The following GLUL variants were observed in gnomAD, a reference collection of about 807,000 sequenced individuals.
GLUL encodes the protein glutamate-ammonia ligase, also known as glutamine synthetase.
In GLUL, 8 loss-of-function variants were observed where a neutral mutation model predicts 36.9. The ratio of observed to expected loss-of-function variants is 0.22; its 90% CI spans 0.13 to 0.39. The LOEUF is 0.39. Ranked by LOEUF, GLUL falls within the 10% of genes least tolerant of loss-of-function variation. GLUL has a pLI of 1.00. For missense variants in GLUL, 315 were observed against 501.8 expected (o/e 0.63, Z 3.56); for synonymous variants, 182 against 172.8 (o/e 1.05, Z -0.42).
At chr1:182,391,483 G>A (rs971512440) in intron 1 of GLUL, 196 bp downstream of exon 1, 4 of 367,100 alleles carry the variant, frequency 1.1e-5, no homozygotes, top group African/African-American at 4.2e-5. Flanking sequence ...CAGCCCCGAC[G>A]GGTCCAAGCC....
rs1278804061 is a variant in GLUL, at chr1:182,380,005, C to T, written c.*4400G>A. Among the ~76,000 whole-genome samples, 2 of 151,898 alleles carry T rather than the reference C, an allele frequency of 1.3e-5. No homozygotes were observed. The highest frequency in any genetic ancestry group is 4.8e-5 in the African/African-American group (2 of 41,312). ...GATTACAGGCATGTGCCACCACGCCCGGCTAATTTTTTGTATTTAGTAGAG... is the reference window on the plus strand; with the variant it reads ...GATTACAGGCATGTGCCACCACGCCTGGCTAATTTTTTGTATTTAGTAGAG... On this transcript the variant is annotated 3_prime_UTR_variant, in exon 7 of 7. Transcript: ENST00000331872.
chr1:182,390,371 G>C (rs1195359509), intron 1 of GLUL: 1 of 397,948 alleles, frequency 2.5e-6, no homozygotes, highest in African/African-American at 2.1e-5. Context: ...CAGCAGCCTA[G>C]TGCCACTCTA....
chr1:182,386,892 G>A (rs991491425), intron 3 of GLUL: 13 of 572,786 alleles, frequency 2.3e-5, no homozygotes, highest in African/African-American at 3.7e-5. Flanking sequence ...CTCCAAGACC[G>A]GCAAACAGAT....
chr1:182,381,314 A>T lies in GLUL; in HGVS notation c.*3091T>A, dbSNP rs1353215677. On this transcript the variant is annotated 3_prime_UTR_variant, in exon 7 of 7. Coordinates refer to ENST00000331872, the MANE Select transcript of GLUL (RefSeq NM_001033044.4). ...CAACACCCATCCATGGAATTCTTTC[A>T]AATTCCCTATAGCTTGTGCTATCAG... Among the ~76,000 whole-genome samples, 1 of 152,194 alleles carries T rather than the reference A, an allele frequency of 6.6e-6. No individual in the cohort carries two copies. The highest frequency in any genetic ancestry group is 2.4e-5 in the African/African-American group (1 of 41,448).
At chr1:182,386,821 T>C (rs1174649962) in intron 3 of GLUL, 7 of 482,954 alleles carry the variant, frequency 1.4e-5, no homozygotes, top group African/African-American at 2.0e-5. Flanking sequence ...TGAGAAACAT[T>C]TGTCCATTGG....
intron 6 of GLUL, chr1:182,385,102 T>C (rs529999588): frequency 9.5e-6 from 3 of 316,104 alleles, no homozygotes; most frequent in Non-Finnish European, 1.8e-5. Context: ...ATATATATTA[T>C]ATAAATTATA....
intron 1 of GLUL, chr1:182,389,095 G>A (rs540721077): frequency 5.7e-6 from 2 of 350,214 alleles, no homozygotes; most frequent in East Asian, 7.3e-5. Flanking sequence ...CAGAACCCAG[G>A]CTTCCAAGCT....
Position 182,388,663 on chromosome 1 carries a change from T to C in GLUL, c.75A>G (p.Lys25=). Residue 25 remains lysine, a synonymous_variant, in exon 2 of 7, where the codon AAA becomes AAG. Transcript: ENST00000331872. ...CGATCCAGATATACATGGCCTGGAC[T>C]TTCTCACCCTGAGGCAGGGACATGT... ...QVYMSLPQGE[K]VQAMYIWIDG... is the part of the protein sequence containing the mutation. The C allele has an allele frequency of 1.9e-6, 3 of 1,613,806 alleles. No homozygotes were observed. The highest frequency in any genetic ancestry group is 2.5e-6 in the Non-Finnish European group (3 of 1,179,710).
chr1:182,386,936 C>G (rs1442048721), intron 3 of GLUL, 195 bp downstream of exon 3: 1 of 643,164 alleles, frequency 1.6e-6, no homozygotes, highest in East Asian at 2.8e-5. Flanking sequence ...ATGCAACCAA[C>G]AGAGAAGACC....
rs143645320 is a variant in GLUL at position 182,388,945 on chromosome 1, C to T, written c.-13-195G>A. ...TAGTTTTATAGTAGGCAAAAATCTC[C>T]TTTATAATAGGCTGTAAAACTGATC... On this transcript the variant is annotated intron_variant, in intron 1 of 6. Coordinates refer to ENST00000331872, the MANE Select transcript of GLUL (RefSeq NM_001033044.4). The T allele has an allele frequency of 4.8e-4, 277 of 580,244 alleles. 3 individuals carry two copies. Among genetic ancestry groups the T allele is most frequent in the African/African-American group, 4.4e-3 (239 of 53,938 alleles). 35.9% of individuals were successfully genotyped at this position (580,244 alleles called of 1,614,324 possible). A position where few individuals can be genotyped will look rare whatever the true frequency, so the allele number is the denominator to read the frequency against.
intron 1 of GLUL, 112 bp from the exon 2 acceptor site, chr1:182,388,862 C>A (rs969772782): frequency 2.4e-6 from 2 of 822,510 alleles, no homozygotes; most frequent in Non-Finnish European, 4.2e-6. Flanking sequence ...GTGCCAACTC[C>A]TTCCCTTGTG....
chr1:182,390,567 C>T, intron 1 of GLUL: 1 of 399,126 alleles, frequency 2.5e-6, no homozygotes. Context: ...GAGTGGCGTT[C>T]GCGCCTCTCC....
At chr1:182,389,820 C>T (rs1021840037) in intron 1 of GLUL, 5 of 152,294 alleles carry the variant, frequency 3.3e-5, no homozygotes, top group Non-Finnish European at 7.3e-5. Flanking sequence ...GGCAACCGTC[C>T]ATGTTTGCCC....
intron 6 of GLUL, 180 bp from the exon 7 acceptor site, chr1:182,384,903 T>C: frequency 1.6e-6 from 1 of 639,068 alleles, no homozygotes; most frequent in Middle Eastern, 3.5e-4. Flanking sequence ...AGTTACTGTT[T>C]GTTGAAAAGA....
At chr1:182,384,921 T>TTTGAAAC in intron 6 of GLUL, 198 bp from the exon 7 acceptor site, 2 of 615,490 alleles carry the variant, frequency 3.2e-6, no homozygotes, top group Non-Finnish European at 5.8e-6. Context: ...AGACTAATCA[T>TTTGAAAC]TTGAAACTTT....
rs1030606896 is a variant in GLUL, at chr1:182,383,880, A to G, written c.*525T>C. 2 of 175,938 alleles carry G rather than the reference A, an allele frequency of 1.1e-5. No individual in the cohort carries two copies. Among genetic ancestry groups the G allele is most frequent in the African/African-American group, 4.8e-5 (2 of 41,900 alleles). 10.9% of individuals were successfully genotyped at this position (175,938 alleles called of 1,614,324 possible). ...AGGGCATTTAGTCCCAAGCCAGGCT[A>G]GTCCCACAAGCAAGAGACCAAAGCC... On this transcript the variant is annotated 3_prime_UTR_variant, in exon 7 of 7. Transcript: ENST00000331872.
rs942931829 is a variant in GLUL at position 182,382,466 on chromosome 1, G to C, written c.*1939C>G. 3.5e-5 allele frequency: 5 copies of C among 141,546 alleles called. No homozygotes were observed. The highest frequency in any genetic ancestry group is 7.3e-5 in the Admixed American group (1 of 13,616). 8.8% of individuals were successfully genotyped at this position (141,546 alleles called of 1,614,324 possible). On this transcript the variant is annotated 3_prime_UTR_variant, in exon 7 of 7. Transcript: ENST00000331872. ...AGCCAGCCTTGGAAGGCTTCAACCA[G>C]GGTAGCAGGGTAGCTAATATTTGTT...
At chr1:182,384,821 C>CA in intron 6 of GLUL, 98 bp from the exon 7 acceptor site, 1 of 880,768 alleles carries the variant, frequency 1.1e-6, no homozygotes, top group Non-Finnish European at 1.9e-6. Flanking sequence ...ACAAATACTT[C>CA]ATGAGGGCAG....
rs1650079466 is a variant in GLUL at position 182,384,443 on chromosome 1, T to C, written c.1084A>G (p.Asn362Asp). Residue 362 changes from asparagine to aspartate, a missense_variant, in exon 7 of 7, where the codon AAT becomes GAT. By Grantham distance (23) the Asn-to-Asp change is conservative (BLOSUM62 1). Around this residue, in one of 3 missense-constraint regions of GLUL, gnomAD observed 58 missense variants for 89.5 expected, o/e 0.65. Transcript: ENST00000331872. ...TEALIRTCLL[N>D]ETGDEPFQYK... ...TGGAAGGGCTCATCGCCGGTTTCAT[T>C]GAGAAGACACGTGCGGATGAGGGCT... 2 of 1,613,820 alleles carry C rather than the reference T, an allele frequency of 1.2e-6. No individual in the cohort carries two copies.
Sources: allele counts gnomAD v4.1 joint callset (sites outside exome capture counted in the v4.1 genomes callset), GRCh38; gene constraint gnomAD v4.1.1; regional missense constraint gnomAD v4.1.1; transcripts MANE v1.5; gene names NCBI Gene and HGNC (gene_info 2026-07-23, HGNC 2026-07-21).